The following MAP1B variants were observed in gnomAD, a reference collection of about 807,000 sequenced individuals.
The protein encoded by MAP1B is microtubule associated protein 1B, also known as microtubule-associated protein 1B.
Under a neutral mutation model 176.1 loss-of-function variants are expected in MAP1B, and 12 were observed. The observed-to-expected ratio is 0.07, with a 90% CI of 0.04 to 0.11. The LOEUF is 0.11. Among genes scored for constraint, MAP1B ranks in the 10% least tolerant of loss-of-function variants. The pLI, the probability that MAP1B is intolerant of heterozygous loss-of-function variation, is 1.00. For missense variants in MAP1B, 2,523 were observed against 2,990.5 expected, an observed-to-expected ratio of 0.84 and a Z score of 3.65; for synonymous variants, 1,044 against 1,135.0, an observed-to-expected ratio of 0.92 and a Z score of 1.61.
chr5:72,139,276 G>T (rs1196065662), intron 2 of MAP1B, among the ~76,000 whole-genome samples: 1 of 152,120 alleles, frequency 6.6e-6, no homozygotes, highest in Non-Finnish European at 1.5e-5. Flanking sequence ...CTCTAGGGTC[G>T]GTCTGTGCCT....
chr5:72,162,947 C>T (rs867286156), intron 2 of MAP1B, among the ~76,000 whole-genome samples: 2 of 151,932 alleles, frequency 1.3e-5, no homozygotes, highest in African/African-American at 2.4e-5. Context: ...AGAGGAGCCT[C>T]GGCTGGGTGT....
intron 2 of MAP1B, among the ~76,000 whole-genome samples, chr5:72,142,185 C>T (rs993329465): frequency 6.6e-6 from 1 of 152,204 alleles, no homozygotes; most frequent in Non-Finnish European, 1.5e-5. Context: ...CTTCCTACTT[C>T]CCCCAAGGTG....
intron 2 of MAP1B, among the ~76,000 whole-genome samples, chr5:72,153,330 ACT>A (rs1053306878): frequency 2.0e-5 from 3 of 151,292 alleles, no homozygotes; most frequent in African/African-American, 2.4e-5. Flanking sequence ...CCTGCTGGAA[ACT>A]CTACCTCACA....
intron 2 of MAP1B, among the ~76,000 whole-genome samples, chr5:72,154,729 C>T (rs753990927): frequency 3.3e-5 from 5 of 152,156 alleles, no homozygotes; most frequent in African/African-American, 4.8e-5. Context: ...TTTGCTGGGG[C>T]CTCTTTCCCC....
Position 72,197,569 on chromosome 5 carries a change from G to C in MAP1B, c.4214G>C (p.Gly1405Ala). 6.2e-7 allele frequency: 1 copy of C among 1,614,162 alleles called. No individual in the cohort carries two copies. The highest frequency in any genetic ancestry group is 2.2e-5 in the East Asian group (1 of 44,886). Residue 1405 changes from glycine to alanine, a missense_variant, in exon 5 of 7, where the codon GGA becomes GCA. Gly to Ala is a moderately conservative substitution (Grantham distance 60). Coordinates refer to ENST00000296755, the MANE Select transcript of MAP1B (RefSeq NM_005909.5). ...LSPLRSPPLI[G>A]SESAYESFLS... Reference sequence around the variant, plus strand: ...CCTTTACGCAGCCCGCCCCTCATTGGATCCGAGTCTGCTTATGAAAGTTTT... The same window carrying C: ...CCTTTACGCAGCCCGCCCCTCATTGCATCCGAGTCTGCTTATGAAAGTTTT...
chr5:72,145,166 C>CTT (rs1404471166), intron 2 of MAP1B, among the ~76,000 whole-genome samples: 1 of 152,114 alleles, frequency 6.6e-6, no homozygotes, highest in East Asian at 1.9e-4. Flanking sequence ...GGGCACTAGT[C>CTT]TTTAAAGACA....
At chr5:72,166,615 C>A (rs1201514398) in intron 2 of MAP1B, among the ~76,000 whole-genome samples, 1 of 152,164 alleles carries the variant, frequency 6.6e-6, no homozygotes. Context: ...CTGCAGCCAG[C>A]AAGACCTGGT....
intron 2 of MAP1B, among the ~76,000 whole-genome samples, chr5:72,145,779 G>A (rs1387085831): frequency 6.6e-6 from 1 of 152,212 alleles, no homozygotes; most frequent in East Asian, 1.9e-4. Context: ...CGGTCACTTG[G>A]AGGTTCTTGC....
chr5:72,124,431 A>G (rs1240387830), intron 2 of MAP1B, among the ~76,000 whole-genome samples: 1 of 152,256 alleles, frequency 6.6e-6, no homozygotes, highest in East Asian at 1.9e-4. Context: ...GCTTATAGAA[A>G]ATGCAACAAG....
At chr5:72,170,355 G>A (rs1746512210) in intron 2 of MAP1B, among the ~76,000 whole-genome samples, 1 of 152,162 alleles carries the variant, frequency 6.6e-6, no homozygotes, top group Admixed American at 6.5e-5. Flanking sequence ...TTACAAGAAG[G>A]TCAGCTCTCT....
In MAP1B at chr5:72,196,961, T is replaced by C; in HGVS notation, c.3606T>C (p.Ala1202=). ...TDATDGKDYN[A]SASTISPPSS... is the part of the protein sequence containing the mutation. ...CCACTGATGGCAAGGATTACAATGC[T>C]TCAGCCTCTACCATATCACCACCCT... The change falls in exon 5 of 7, where the codon GCT becomes GCC. Residue 1202 remains alanine, a synonymous_variant. Coordinates refer to ENST00000296755, the MANE Select transcript of MAP1B (RefSeq NM_005909.5). The surrounding 1 kb of genome is among the most constrained non-coding windows in gnomAD (Gnocchi z 5.3). 6 of 1,614,258 alleles carry C rather than the reference T, an allele frequency of 3.7e-6. No individual in the cohort carries two copies. The highest frequency in any genetic ancestry group is 5.1e-6 in the Non-Finnish European group (6 of 1,180,042).
intron 2 of MAP1B, among the ~76,000 whole-genome samples, chr5:72,139,865 G>T (rs1010733982): frequency 7.2e-5 from 11 of 152,134 alleles, no homozygotes; most frequent in Admixed American, 3.9e-4. Flanking sequence ...TCTTTATCCT[G>T]TACACCTGAT....
chr5:72,149,762 A>G (rs1226802505), intron 2 of MAP1B, among the ~76,000 whole-genome samples: 2 of 152,192 alleles, frequency 1.3e-5, no homozygotes, highest in Admixed American at 6.5e-5. Flanking sequence ...GGCAAAAGGG[A>G]AGAACTTCTC....
Position 72,195,415 on chromosome 5 carries a change from A to C in MAP1B, c.2060A>C (p.Glu687Ala), listed in dbSNP as rs566445390. 7 of 1,561,102 alleles carry C rather than the reference A, an allele frequency of 4.5e-6. No individual in the cohort carries two copies. The Admixed American group carries it at 1.4e-4, about 32-fold the overall frequency. Residue 687 changes from glutamate (E) to alanine (A), a missense_variant, in exon 5 of 7, where the codon GAG (glutamate) becomes GCG (alanine). By Grantham distance (107) the Glu-to-Ala change is moderately radical. Transcript: ENST00000296755. ...KEEVKKEVKK[E>A]IKKEEKKEPK... Reference sequence around the variant, plus strand: ...GAGGTGAAAAAAGAAGTCAAAAAAGAGATCAAGAAAGAAGAGAAAAAAGAA... The same window carrying C: ...GAGGTGAAAAAAGAAGTCAAAAAAGCGATCAAGAAAGAAGAGAAAAAAGAA...
At position 72,194,496 on chromosome 5, in the gene MAP1B, G is replaced by A. The variant is rs1747100626; in HGVS notation, c.1141G>A (p.Ala381Thr). The part of the protein sequence containing the change: ...NIKMKRSIEE[A>T]CFTLQYLNKL... ...CAAGATGAAGAGAAGCATAGAAGAAGCCTGCTTCACTCTCCAGTACCTAAA... is the reference window on the plus strand; with the variant it reads ...CAAGATGAAGAGAAGCATAGAAGAAACCTGCTTCACTCTCCAGTACCTAAA... Residue 381 changes from alanine to threonine, a missense_variant, in exon 5 of 7, where the codon GCC becomes ACC. Coordinates refer to ENST00000296755, the MANE Select transcript of MAP1B (RefSeq NM_005909.5). This position sits in a 1 kb window ranked among gnomAD's most constrained non-coding sequence, Gnocchi z 7.2. 6.2e-7 allele frequency: 1 copy of A among 1,613,958 alleles called. No homozygotes were observed.
intron 2 of MAP1B, among the ~76,000 whole-genome samples, chr5:72,142,525 T>A (rs1332959120): frequency 6.6e-6 from 1 of 152,224 alleles, no homozygotes; most frequent in Admixed American, 6.5e-5. Flanking sequence ...GGAATAATTA[T>A]GTGGAAACAA....
Position 72,193,963 on chromosome 5 carries a change from G to A in MAP1B, c.608G>A (p.Arg203Lys), listed in dbSNP as rs1454121238. 8 of 1,614,104 alleles carry A rather than the reference G, an allele frequency of 5.0e-6. No homozygotes were observed. The South Asian group carries it at 8.8e-5, about 18-fold the overall frequency. ...EGDWKNSNLD[R>K]HNLQDFINIK... ...GACTGGAAGAACTCCAATCTTGACA[G>A]ACACAATCTCCAAGACTTCATCAAT... The change falls in exon 5 of 7, where the codon AGA (arginine) becomes AAA (lysine). Residue 203 changes from arginine (R) to lysine (K), a missense_variant. Arg to Lys is a conservative substitution (Grantham distance 26). This residue lies in a region of MAP1B where 307 missense variants were observed against 438.4 expected (regional missense o/e 0.70). Coordinates refer to ENST00000296755, the MANE Select transcript of MAP1B (RefSeq NM_005909.5).
At position 72,197,684 on chromosome 5, in the gene MAP1B, T is replaced by C. The variant is rs767971366; in HGVS notation, c.4329T>C (p.Ser1443=). The stretch of plus-strand genomic sequence containing the variant: ...AACAAGGCTCTCCAGACCAAGTAAG[T>C]CCAGTTTCTGAAATGACTTCTACTA... ...SGKQGSPDQV[S]PVSEMTSTSL... The change falls in exon 5 of 7, where the codon AGT becomes AGC. Residue 1443 remains serine, a synonymous_variant. Coordinates refer to ENST00000296755, the MANE Select transcript of MAP1B (RefSeq NM_005909.5). 4.3e-6 allele frequency: 7 copies of C among 1,614,012 alleles called. No individual in the cohort carries two copies. In the Admixed American group the frequency reaches 1.2e-4, roughly 27 times the overall value.
intron 2 of MAP1B, among the ~76,000 whole-genome samples, chr5:72,182,023 C>CT (rs34251206): frequency 0.12 from 11,392 of 94,530 alleles, 1,083 homozygotes; most frequent in African/African-American, 0.18. Context: ...CGCACCTGGC[C>CT]TTTTTTTTTT....
Sources: gnomAD v4.1 joint callset for allele counts (sites outside exome capture counted in the v4.1 genomes callset) on GRCh38, gnomAD v4.1.1 for gene constraint, gnomAD v4.1.1 regional missense constraint, Gnocchi (gnomAD v3.1) non-coding constraint, MANE v1.5 for transcripts, NCBI Gene and HGNC (gene_info 2026-07-23, HGNC 2026-07-21) for gene names.